Variants in MKLN1 observed in about 807,000 individuals in gnomAD.
MKLN1 encodes the protein muskelin.
A neutral mutation model predicts 99.0 loss-of-function variants in MKLN1; 18 were observed. That is an observed-to-expected ratio of 0.18 (90% confidence interval 0.13 to 0.27). MKLN1 has a LOEUF of 0.27. Among genes scored for constraint, MKLN1 ranks in the 10% least tolerant of loss-of-function variants. The probability of loss-of-function intolerance (pLI) is 1.00; values close to 1 mark genes in which losing one functional copy is unlikely to be tolerated. For missense variants in MKLN1, 621 were observed against 875.9 expected (o/e 0.71, Z 3.67); for synonymous variants, 288 against 293.2 (o/e 0.98, Z 0.18).
chr7:131,356,713 C>T (rs377331621), intron 1 of MKLN1, among the ~76,000 whole-genome samples: 22 of 152,274 alleles, frequency 1.4e-4, no homozygotes, highest in African/African-American at 4.1e-4. Flanking sequence ...ATTGAAAGGA[C>T]AGTATTCTTC....
chr7:131,124,967 C>T (rs924877493), intron 1 of MKLN1, among the ~76,000 whole-genome samples: 1 of 152,194 alleles, frequency 6.6e-6, no homozygotes, highest in Admixed American at 6.5e-5. Context: ...TTTGCAGAGG[C>T]CAGCTGCCCA....
At chr7:131,178,068 G>A (rs1320466364) in intron 2 of MKLN1, among the ~76,000 whole-genome samples, 1 of 152,070 alleles carries the variant, frequency 6.6e-6, no homozygotes, top group Non-Finnish European at 1.5e-5. Flanking sequence ...AGTAATCCAG[G>A]TGAGTTAGAT....
chr7:131,475,452 A>G (rs1490256667), intron 16 of MKLN1, among the ~76,000 whole-genome samples: 1 of 152,144 alleles, frequency 6.6e-6, no homozygotes, highest in East Asian at 1.9e-4. Flanking sequence ...TTTTACATAG[A>G]CTCTCAGAAA....
intron 17 of MKLN1, among the ~76,000 whole-genome samples, chr7:131,480,655 G>A (rs1051926190): frequency 2.0e-5 from 3 of 152,196 alleles, no homozygotes; most frequent in Non-Finnish European, 1.5e-5. Context: ...GAAGACCTTA[G>A]GCTACTAGAA....
chr7:131,111,021 T>C (rs928275600), intron 1 of MKLN1, among the ~76,000 whole-genome samples: 1 of 152,254 alleles, frequency 6.6e-6, no homozygotes, highest in Non-Finnish European at 1.5e-5. Flanking sequence ...GCTTGGCACG[T>C]AGGAACATTA....
intron 2 of MKLN1, among the ~76,000 whole-genome samples, chr7:131,178,049 G>A (rs1796325067): frequency 1.3e-5 from 2 of 152,276 alleles, no homozygotes; most frequent in African/African-American, 4.8e-5. Context: ...AGGAAAAAGA[G>A]TAAAAATGAG....
At chr7:131,129,690 CA>C (rs1795519122) in intron 1 of MKLN1, among the ~76,000 whole-genome samples, 1 of 152,198 alleles carries the variant, frequency 6.6e-6, no homozygotes, top group Non-Finnish European at 1.5e-5. Flanking sequence ...CCTCCTGACT[CA>C]GCCTCTGAAT....
At chr7:131,125,948 G>A (rs1270518107) in intron 1 of MKLN1, among the ~76,000 whole-genome samples, 3 of 150,914 alleles carry the variant, frequency 2.0e-5, no homozygotes, top group Non-Finnish European at 3.0e-5. Flanking sequence ...AGAGCTTGCA[G>A]TGAGCCGAGA....
chr7:131,442,710 G>A (rs954875071), intron 10 of MKLN1, among the ~76,000 whole-genome samples: 3 of 152,150 alleles, frequency 2.0e-5, no homozygotes, highest in African/African-American at 4.8e-5. Context: ...TGCCACTTAC[G>A]TTCAACAGCT....
At chr7:131,395,305 C>T (rs1794324414) in intron 4 of MKLN1, among the ~76,000 whole-genome samples, 1 of 151,846 alleles carries the variant, frequency 6.6e-6, no homozygotes, top group Admixed American at 6.6e-5. Flanking sequence ...TGTACAGGTC[C>T]TTTCCTTGAG....
intron 3 of MKLN1, among the ~76,000 whole-genome samples, chr7:131,227,485 C>CTCTT (rs1187491787): frequency 3.4e-5 from 3 of 88,664 alleles, no homozygotes; most frequent in South Asian, 3.8e-4. Context: ...CTCTCTTTCT[C>CTCTT]TCTTTCTTTC....
chr7:131,230,189 T>A (rs1023393291), intron 3 of MKLN1, among the ~76,000 whole-genome samples: 2 of 152,192 alleles, frequency 1.3e-5, no homozygotes, highest in African/African-American at 4.8e-5. Context: ...AAAGTCTGTT[T>A]TGACAGTCTT....
intron 2 of MKLN1, among the ~76,000 whole-genome samples, chr7:131,377,347 G>T (rs1354886305): frequency 6.6e-6 from 1 of 152,098 alleles, no homozygotes; most frequent in Middle Eastern, 3.2e-3. Flanking sequence ...ACTTCTATGG[G>T]TGGATTTTAT....
At chr7:131,408,068 G>T (rs772225774) in intron 6 of MKLN1, among the ~76,000 whole-genome samples, 69 of 151,854 alleles carry the variant, frequency 4.5e-4, no homozygotes, top group Non-Finnish European at 8.4e-4. Context: ...TTACCTTCTA[G>T]GTTAAGTATT....
intron 3 of MKLN1, among the ~76,000 whole-genome samples, chr7:131,284,451 T>G (rs957829020): frequency 6.6e-6 from 1 of 152,186 alleles, no homozygotes; most frequent in African/African-American, 2.4e-5. Flanking sequence ...AATATATTGA[T>G]ATGTGGATTG....
At chr7:131,398,220 C>T (rs1222024817) in intron 5 of MKLN1, among the ~76,000 whole-genome samples, 1 of 152,000 alleles carries the variant, frequency 6.6e-6, no homozygotes, top group Non-Finnish European at 1.5e-5. Flanking sequence ...GAGGTAGTCC[C>T]AGAACATATT....
rs1797314973 is a variant in MKLN1, at chr7:131,487,532, T to G, written c.2087-75T>G. The stretch of plus-strand genomic sequence containing the variant: ...TTGATTTCTCCATTATAAAATACAT[T>G]GCTGCTGGTCTCAACTAGTTTTTCT... On this transcript the variant is annotated intron_variant, in intron 17 of 17. Coordinates refer to ENST00000352689, the MANE Select transcript of MKLN1 (RefSeq NM_013255.5). The surrounding 1 kb of genome is among the most constrained non-coding windows in gnomAD (Gnocchi z 4.7). The G allele has an allele frequency of 4.7e-6, 7 of 1,494,572 alleles. No homozygotes were observed. The African/African-American group carries it at 7.0e-5, about 15-fold the overall frequency. 92.6% of individuals were successfully genotyped at this position (1,494,572 alleles called of 1,614,324 possible). A position where few individuals can be genotyped will look rare whatever the true frequency, so the allele number is the denominator to read the frequency against.
At chr7:131,345,715 A>G (rs1438781539) in intron 1 of MKLN1, among the ~76,000 whole-genome samples, 2 of 151,830 alleles carry the variant, frequency 1.3e-5, no homozygotes, top group African/African-American at 4.8e-5. Context: ...CTGTGTCTCA[A>G]AAAAAAAATT....
At chr7:131,383,126 G>C (rs1487838795) in intron 2 of MKLN1, among the ~76,000 whole-genome samples, 4 of 152,092 alleles carry the variant, frequency 2.6e-5, no homozygotes, top group African/African-American at 4.8e-5. Flanking sequence ...GAATTTTGTT[G>C]CTATTGTTCC....
Sources: allele counts gnomAD v4.1 joint callset (sites outside exome capture counted in the v4.1 genomes callset), GRCh38; gene constraint gnomAD v4.1.1; non-coding constraint Gnocchi (gnomAD v3.1); transcripts MANE v1.5; gene names NCBI Gene and HGNC (gene_info 2026-07-23, HGNC 2026-07-21).